MTF1: variants seen among roughly 807,000 people sequenced by gnomAD.
MTF1 encodes MRE-binding transcription factor.
In MTF1, 22 loss-of-function variants were observed where a neutral mutation model predicts 70.4. The ratio of observed to expected loss-of-function variants is 0.31; its 90% CI spans 0.22 to 0.45. The LOEUF (loss-of-function observed/expected upper bound fraction) is 0.45. Ranked by LOEUF, MTF1 falls within the 20% of genes least tolerant of loss-of-function variation. The probability of loss-of-function intolerance (pLI) is 1.00; values close to 1 mark genes in which losing one functional copy is unlikely to be tolerated. For missense variants in MTF1, 649 were observed against 922.0 expected, an observed-to-expected ratio of 0.70 and a Z score of 3.83; for synonymous variants, 333 against 352.8, an observed-to-expected ratio of 0.94 and a Z score of 0.63.
At chr1:37,839,056 G>A (rs761516620) in intron 3 of MTF1, among the ~76,000 whole-genome samples, 13 of 151,790 alleles carry the variant, frequency 8.6e-5, no homozygotes, top group East Asian at 3.9e-4. Flanking sequence ...CGCCTGCCTC[G>A]GCCTCCCAAA....
intron 7 of MTF1, among the ~76,000 whole-genome samples, chr1:37,829,981 A>C (rs1423769477): frequency 6.6e-6 from 1 of 152,020 alleles, no homozygotes; most frequent in African/African-American, 2.4e-5. Context: ...TCCCTTTTTC[A>C]TAAGTACTTG....
rs1390520027 is a variant in MTF1, at chr1:37,822,525, G to C, written c.1363C>G (p.Gln455Glu). ...PAPSLGPGSQ[Q>E]AAFGNPPALL... Reference sequence around the variant, plus strand: ...GCAGGGGGGTTGCCAAATGCAGCTTGCTGGGAGCCAGGTCCTAGGGAGGGA... The same window carrying C: ...GCAGGGGGGTTGCCAAATGCAGCTTCCTGGGAGCCAGGTCCTAGGGAGGGA... The change falls in exon 9 of 11, where the codon CAA becomes GAA. Residue 455 changes from glutamine (Q) to glutamate (E), a missense_variant. Gln to Glu is a conservative substitution (Grantham distance 29). Coordinates refer to ENST00000373036, the MANE Select transcript of MTF1 (RefSeq NM_005955.3). 6.2e-7 allele frequency: 1 copy of C among 1,613,996 alleles called. No homozygotes were observed. The highest frequency in any genetic ancestry group is 2.2e-5 in the East Asian group (1 of 44,904).
chr1:37,832,096 CAGA>C, intron 7 of MTF1, 146 bp downstream of exon 7: 1 of 595,718 alleles, frequency 1.7e-6, no homozygotes, highest in African/African-American at 1.9e-5. Context: ...GAACTCTTAT[CAGA>C]AGAAGAAAAA....
rs369857819 is a variant in MTF1 at position 37,815,172 on chromosome 1, C to T, written c.2226G>A (p.Glu742=). Residue 742 remains glutamate (E), a synonymous_variant, in exon 11 of 11, where the codon GAG becomes GAA. Coordinates refer to ENST00000373036, the MANE Select transcript of MTF1 (RefSeq NM_005955.3). The surrounding 1 kb of genome is among the most constrained non-coding windows in gnomAD (Gnocchi z 4.5). ...LIPIEALLQG[E]EEMGLTSSFS... is the part of the protein sequence containing the mutation. ...AGCTGCTGGTGAGGCCCATCTCCTC[C>T]TCCCCCTGCAGTAGTGCTTCAATGG... 3.2e-5 allele frequency: 51 copies of T among 1,614,202 alleles called. No individual in the cohort carries two copies. In the African/African-American group the frequency reaches 5.2e-4, roughly 16 times the overall value.
intron 7 of MTF1, among the ~76,000 whole-genome samples, chr1:37,827,563 C>T (rs561088440): frequency 1.1e-4 from 16 of 151,936 alleles, no homozygotes; most frequent in Non-Finnish European, 1.6e-4. Flanking sequence ...GGGGTTTCAC[C>T]GTGTTAGCCA....
chr1:37,834,534 C>G (rs1460686017), intron 6 of MTF1: 1 of 323,416 alleles, frequency 3.1e-6, no homozygotes, highest in Non-Finnish European at 6.3e-6. Flanking sequence ...CAGACATTAT[C>G]TGCTTTATGG....
At chr1:37,821,192 T>C (rs1421862117) in intron 9 of MTF1, among the ~76,000 whole-genome samples, 1 of 150,676 alleles carries the variant, frequency 6.6e-6, no homozygotes. Flanking sequence ...ATAATAATAA[T>C]AGGAGAAACT....
Position 37,815,042 on chromosome 1 carries a change from T to C in MTF1, c.*94A>G, listed in dbSNP as rs1210616554. ...GTGAGGATTTCAAACAGTAGATTTC[T>C]TCATCCTTCAAATTTCTGACCCATG... On this transcript the variant is annotated 3_prime_UTR_variant, in exon 11 of 11. Coordinates refer to ENST00000373036, the MANE Select transcript of MTF1 (RefSeq NM_005955.3). The surrounding 1 kb of genome is among the most constrained non-coding windows in gnomAD (Gnocchi z 4.5). 3.9e-6 allele frequency: 4 copies of C among 1,023,678 alleles called. No homozygotes were observed. Among genetic ancestry groups the C allele is most frequent in the Non-Finnish European group, 5.7e-6 (4 of 695,962 alleles). 63.4% of individuals were successfully genotyped at this position (1,023,678 alleles called of 1,614,324 possible). A position where few individuals can be genotyped will look rare whatever the true frequency, so the allele number is the denominator to read the frequency against.
chr1:37,846,962 T>G (rs142363698), intron 2 of MTF1, among the ~76,000 whole-genome samples: 28 of 152,258 alleles, frequency 1.8e-4, no homozygotes, highest in African/African-American at 6.7e-4. Context: ...AAACTGCCTT[T>G]TCCTCCCCAT....
intron 2 of MTF1, among the ~76,000 whole-genome samples, chr1:37,856,031 C>T (rs1641487428): frequency 6.6e-6 from 1 of 152,086 alleles, no homozygotes; most frequent in Non-Finnish European, 1.5e-5. Context: ...CTAATAATAA[C>T]CACTAATATA....
intron 2 of MTF1, among the ~76,000 whole-genome samples, chr1:37,856,499 CT>C (rs35260301): frequency 0.27 from 33,101 of 122,600 alleles, 4,198 homozygotes; most frequent in Non-Finnish European, 0.31. Context: ...GAATTTCTTT[CT>C]TTTTTTTTTT....
chr1:37,857,162 C>T, intron 2 of MTF1, 89 bp downstream of exon 2: 4 of 1,347,508 alleles, frequency 3.0e-6, no homozygotes, highest in Middle Eastern at 1.9e-4. Context: ...CCCATGCACT[C>T]CTTTACTCCC....
chr1:37,834,958 C>A, intron 6 of MTF1, 121 bp downstream of exon 6: 1 of 1,069,810 alleles, frequency 9.3e-7, no homozygotes. Flanking sequence ...TGATCTTGAC[C>A]CTGACTTCTT....
At position 37,812,998 on chromosome 1, in the gene MTF1, A is replaced by G. The variant is rs189377882; in HGVS notation, c.*2138T>C. ...AAGGTCAAAAAGAAGTCAATTCCCT[A>G]GACCAGGCATGGTGGCTCACACCTG... On this transcript the variant is annotated 3_prime_UTR_variant, in exon 11 of 11. Coordinates refer to ENST00000373036, the MANE Select transcript of MTF1 (RefSeq NM_005955.3). The G allele has an allele frequency of 6.6e-6, 1 of 152,392 alleles. No individual in the cohort carries two copies. Among genetic ancestry groups the G allele is most frequent in the East Asian group, 1.9e-4 (1 of 5,172 alleles). 9.4% of individuals were successfully genotyped at this position (152,392 alleles called of 1,614,324 possible).
intron 2 of MTF1, among the ~76,000 whole-genome samples, chr1:37,854,412 C>A (rs1641460218): frequency 6.6e-6 from 1 of 152,148 alleles, no homozygotes; most frequent in South Asian, 2.1e-4. Flanking sequence ...TTTCTCAATC[C>A]CAGCACTATC....
chr1:37,856,759 C>A (rs770930848), intron 2 of MTF1, among the ~76,000 whole-genome samples: 21 of 152,148 alleles, frequency 1.4e-4, no homozygotes, highest in Non-Finnish European at 2.5e-4. Flanking sequence ...CTCAGCCTCC[C>A]AAAGTGCTGG....
chr1:37,859,170 A>G (rs1210277969), intron 1 of MTF1, among the ~76,000 whole-genome samples: 1 of 152,222 alleles, frequency 6.6e-6, no homozygotes, highest in East Asian at 1.9e-4. Context: ...GCGGAGACCA[A>G]CTGTCCGAAA....
At chr1:37,838,481 G>C (rs1641203601) in intron 4 of MTF1, 144 bp downstream of exon 4, 2 of 554,640 alleles carry the variant, frequency 3.6e-6, no homozygotes, top group Non-Finnish European at 6.1e-6. Context: ...GCAGTGGTTG[G>C]TTATAGCTGT....
chr1:37,846,148 G>A (rs140232075), intron 2 of MTF1, among the ~76,000 whole-genome samples: 53 of 152,168 alleles, frequency 3.5e-4, no homozygotes, highest in African/African-American at 1.2e-3. Context: ...ATACTGTCCT[G>A]GGTGCTAGGA....
Sources: gnomAD v4.1 joint callset for allele counts (sites outside exome capture counted in the v4.1 genomes callset) on GRCh38, gnomAD v4.1.1 for gene constraint, Gnocchi (gnomAD v3.1) non-coding constraint, MANE v1.5 for transcripts, NCBI Gene and HGNC (gene_info 2026-07-23, HGNC 2026-07-21) for gene names.